Variants in PDE10A observed in about 807,000 individuals in gnomAD.
PDE10A encodes phosphodiesterase 10A, also known as cAMP and cAMP-inhibited cGMP 3',5'-cyclic phosphodiesterase 10A.
In PDE10A, 39 loss-of-function variants were observed where a neutral mutation model predicts 97.7. The ratio of observed to expected loss-of-function variants is 0.40; its 90% CI spans 0.31 to 0.52. The LOEUF is 0.52. Ranked by LOEUF, PDE10A falls within the 20% of genes least tolerant of loss-of-function variation. The pLI, the probability that PDE10A is intolerant of heterozygous loss-of-function variation, is 0.56. For synonymous variants in PDE10A, 371 were observed against 376.8 expected (o/e 0.98, Z 0.18); for missense variants, 731 against 1,047.8 (o/e 0.70, Z 4.17).
intron 1 of PDE10A, among the ~76,000 whole-genome samples, chr6:165,931,362 C>T (rs1783128214): frequency 6.6e-6 from 1 of 152,162 alleles, no homozygotes; most frequent in African/African-American, 2.4e-5. Flanking sequence ...AATAGGTGTT[C>T]AACACGTATT....
intron 2 of PDE10A, among the ~76,000 whole-genome samples, chr6:165,502,553 A>G (rs1236984574): frequency 6.6e-6 from 1 of 152,240 alleles, no homozygotes; most frequent in Non-Finnish European, 1.5e-5. Flanking sequence ...ATAAAAAGAG[A>G]TATCACCAAG....
At chr6:165,462,713 A>G (rs1778400500) in intron 3 of PDE10A, among the ~76,000 whole-genome samples, 1 of 152,230 alleles carries the variant, frequency 6.6e-6, no homozygotes, top group South Asian at 2.1e-4. Flanking sequence ...AACCTGAGGA[A>G]AGCAGTACAA....
chr6:165,470,833 A>G (rs932382362), intron 3 of PDE10A, among the ~76,000 whole-genome samples: 1 of 152,162 alleles, frequency 6.6e-6, no homozygotes, highest in Non-Finnish European at 1.5e-5. Flanking sequence ...CCATTGCATC[A>G]AACTTTCTCT....
chr6:165,553,532 T>C (rs964055347), intron 1 of PDE10A, among the ~76,000 whole-genome samples: 1 of 152,212 alleles, frequency 6.6e-6, no homozygotes, highest in Non-Finnish European at 1.5e-5. Context: ...TGAAAGAGAA[T>C]TGGTCTATGA....
intron 1 of PDE10A, among the ~76,000 whole-genome samples, chr6:165,729,348 G>T (rs762415397): frequency 3.1e-4 from 47 of 152,060 alleles, no homozygotes; most frequent in Non-Finnish European, 6.5e-4. Context: ...TATATAAACA[G>T]ATTAAACATT....
intron 1 of PDE10A, among the ~76,000 whole-genome samples, chr6:165,712,631 C>CTTTT (rs71675206): frequency 3.4e-5 from 3 of 88,972 alleles, no homozygotes; most frequent in Non-Finnish European, 6.2e-5. Context: ...AACTTTCTTT[C>CTTTT]TTTTTTTTTT....
At chr6:165,520,727 T>A (rs1043278834) in intron 2 of PDE10A, among the ~76,000 whole-genome samples, 5 of 152,170 alleles carry the variant, frequency 3.3e-5, no homozygotes, top group Admixed American at 3.3e-4. Flanking sequence ...ATATTCAACA[T>A]TAACTGAGTT....
intron 1 of PDE10A, among the ~76,000 whole-genome samples, chr6:165,676,844 G>A (rs1012923843): frequency 7.9e-5 from 12 of 152,108 alleles, no homozygotes; most frequent in Non-Finnish European, 1.0e-4. Context: ...CCTGCCTGTC[G>A]GCATGGACTT....
intron 1 of PDE10A, among the ~76,000 whole-genome samples, chr6:165,821,599 A>AC (rs1779572685): frequency 6.6e-6 from 1 of 151,772 alleles, no homozygotes; most frequent in Admixed American, 6.6e-5. Flanking sequence ...GCTCACTACA[A>AC]CCTCTGCCTC....
intron 3 of PDE10A, among the ~76,000 whole-genome samples, chr6:165,472,592 T>C (rs988261514): frequency 6.6e-6 from 1 of 152,156 alleles, no homozygotes; most frequent in African/African-American, 2.4e-5. Context: ...TCAGGTTTGG[T>C]AGACTTTATC....
intron 1 of PDE10A, among the ~76,000 whole-genome samples, chr6:165,715,194 C>T (rs533293395): frequency 2.6e-5 from 4 of 152,370 alleles, no homozygotes; most frequent in East Asian, 3.9e-4. Flanking sequence ...GACGGGCCTG[C>T]GCCCTCATTC....
intron 1 of PDE10A, among the ~76,000 whole-genome samples, chr6:165,751,646 G>A (rs921873930): frequency 1.1e-4 from 16 of 152,222 alleles, no homozygotes; most frequent in Admixed American, 5.2e-4. Flanking sequence ...TGAAGAAACC[G>A]GCCAAAACCA....
intron 1 of PDE10A, among the ~76,000 whole-genome samples, chr6:165,554,035 C>T (rs536743302): frequency 2.0e-5 from 3 of 152,212 alleles, no homozygotes; most frequent in South Asian, 4.2e-4. Flanking sequence ...TACAGTAACT[C>T]GGTGGGGGAC....
intron 1 of PDE10A, among the ~76,000 whole-genome samples, chr6:165,873,179 T>C (rs1191880659): frequency 6.6e-6 from 1 of 152,192 alleles, no homozygotes; most frequent in East Asian, 1.9e-4. Flanking sequence ...AGTCTCCAGC[T>C]TGAATCCAAT....
At chr6:165,978,504 G>A (rs12209340) in intron 1 of PDE10A, among the ~76,000 whole-genome samples, 25,084 of 152,184 alleles carry the variant, frequency 0.16, 2,227 homozygotes, top group Non-Finnish European at 0.2. Flanking sequence ...GGGATGCATT[G>A]AGAATGGCAC....
chr6:165,665,319 C>T (rs891539074), upstream of PDE10A, among the ~76,000 whole-genome samples: 1 of 152,230 alleles, frequency 6.6e-6, no homozygotes, highest in Non-Finnish European at 1.5e-5. Context: ...GGGTCTGTCA[C>T]TCACCCGTGC....
intron 1 of PDE10A, among the ~76,000 whole-genome samples, chr6:165,607,689 G>C (rs1489484949): frequency 1.3e-5 from 2 of 152,186 alleles, no homozygotes; most frequent in Non-Finnish European, 2.9e-5. Flanking sequence ...AGCGTGAATA[G>C]AGTTTCATGT....
chr6:165,463,296 T>C (rs1025103099), intron 3 of PDE10A, among the ~76,000 whole-genome samples: 8 of 152,228 alleles, frequency 5.3e-5, no homozygotes, highest in African/African-American at 1.9e-4. Flanking sequence ...TTGTGGAAAC[T>C]ATTAATAGCT....
At chr6:165,579,469 T>C (rs893745920) in intron 1 of PDE10A, among the ~76,000 whole-genome samples, 1 of 152,188 alleles carries the variant, frequency 6.6e-6, no homozygotes, top group African/African-American at 2.4e-5. Context: ...CTCTTCATTG[T>C]CTCTCACACC....
Sources: gnomAD v4.1 joint callset for allele counts (sites outside exome capture counted in the v4.1 genomes callset) on GRCh38, gnomAD v4.1.1 for gene constraint, MANE v1.5 for transcripts, NCBI Gene and HGNC (gene_info 2026-07-23, HGNC 2026-07-21) for gene names.